ANKFN1: variants seen among roughly 807,000 people sequenced by gnomAD.
The protein encoded by ANKFN1 is ankyrin repeat and fibronectin type III domain containing 1.
ANKFN1 carries 74 observed loss-of-function variants against 108.7 expected under a neutral mutation model. The observed-to-expected ratio is 0.68, with a 90% CI of 0.56 to 0.83. ANKFN1 has a LOEUF of 0.83. Ranked by LOEUF, ANKFN1 falls within the 40% of genes least tolerant of loss-of-function variation. The pLI, the probability that ANKFN1 is intolerant of heterozygous loss-of-function variation, is 0.00. For synonymous variants in ANKFN1, 547 were observed against 516.2 expected (o/e 1.06, Z -0.81); for missense variants, 1,505 against 1,382.3 (o/e 1.09, Z -1.41).
At chr17:56,463,553 CCCACA>C (rs2049981203) in intron 14 of ANKFN1, among the ~76,000 whole-genome samples, 2 of 152,102 alleles carry the variant, frequency 1.3e-5, no homozygotes, top group Non-Finnish European at 2.9e-5. Context: ...TGACCAAAAG[CCCACA>C]TTGTTTTTCT....
chr17:56,362,315 G>A (rs78901356), intron 6 of ANKFN1, among the ~76,000 whole-genome samples: 159 of 152,188 alleles, frequency 1.0e-3, no homozygotes, highest in Non-Finnish European at 1.6e-3. Flanking sequence ...TTTAAAATTT[G>A]TATAATTTTT....
At chr17:56,153,941 A>G (rs1908840491) in intron 1 of ANKFN1, among the ~76,000 whole-genome samples, 1 of 152,198 alleles carries the variant, frequency 6.6e-6, no homozygotes. Flanking sequence ...TGTCTCCCAC[A>G]TGGATTCTCT....
At chr17:56,409,696 C>T (rs2048030745) in intron 8 of ANKFN1, among the ~76,000 whole-genome samples, 1 of 152,136 alleles carries the variant, frequency 6.6e-6, no homozygotes, top group Non-Finnish European at 1.5e-5. Flanking sequence ...CCAAATTATT[C>T]CCAGACAGCT....
At chr17:56,411,333 T>A (rs1373440372) in intron 8 of ANKFN1, among the ~76,000 whole-genome samples, 1 of 152,208 alleles carries the variant, frequency 6.6e-6, no homozygotes, top group East Asian at 1.9e-4. Flanking sequence ...TTTTTAAATT[T>A]GATTTTGTAA....
chr17:56,203,206 A>G (rs777655251), intron 1 of ANKFN1, among the ~76,000 whole-genome samples: 11 of 152,188 alleles, frequency 7.2e-5, no homozygotes, highest in Non-Finnish European at 1.6e-4. Flanking sequence ...TGAATATATC[A>G]TCATTCTGAA....
At chr17:56,348,961 AG>A (rs1262997726) in intron 4 of ANKFN1, among the ~76,000 whole-genome samples, 4 of 152,226 alleles carry the variant, frequency 2.6e-5, no homozygotes, top group Non-Finnish European at 5.9e-5. Flanking sequence ...ACAACAGCAA[AG>A]ACACAGAATC....
chr17:56,132,327 T>TGA (rs1208428068), intron 4 of ANKFN1, among the ~76,000 whole-genome samples: 1 of 152,126 alleles, frequency 6.6e-6, no homozygotes, highest in African/African-American at 2.4e-5. Flanking sequence ...CAGGTCTGTT[T>TGA]GAGACGTGTG....
intron 1 of ANKFN1, among the ~76,000 whole-genome samples, chr17:56,176,434 G>A (rs1911160746): frequency 6.6e-6 from 1 of 152,148 alleles, no homozygotes; most frequent in Admixed American, 6.5e-5. Context: ...TGGATTTGAT[G>A]GATATGCACT....
intron 3 of ANKFN1, among the ~76,000 whole-genome samples, chr17:56,276,502 CT>C (rs1486711217): frequency 6.6e-6 from 1 of 152,200 alleles, no homozygotes; most frequent in Non-Finnish European, 1.5e-5. Context: ...TCCACATCCT[CT>C]CCAGCATCTG....
At chr17:56,377,347 G>A (rs972869236) in intron 8 of ANKFN1, among the ~76,000 whole-genome samples, 52 of 152,120 alleles carry the variant, frequency 3.4e-4, no homozygotes, top group African/African-American at 1.2e-3. Flanking sequence ...TCTTCACACC[G>A]TGGGGGCACG....
chr17:56,440,168 T>C lies in ANKFN1; in HGVS notation c.911-159T>C, dbSNP rs1372033618. ...TGAACTTGGAAACTAAATTAACATC[T>C]CAAGGAATGTTGTCTGATACACCAA... On this transcript the variant is annotated intron_variant, in intron 8 of 20. Coordinates refer to ENST00000682825, the MANE Select transcript of ANKFN1 (RefSeq NM_001370326.1). Among the ~76,000 whole-genome samples, 3 of 152,190 alleles carry C rather than the reference T, an allele frequency of 2.0e-5. No individual in the cohort carries two copies. In the East Asian group the frequency reaches 5.8e-4, roughly 29 times the overall value.
intron 4 of ANKFN1, among the ~76,000 whole-genome samples, chr17:56,124,206 C>T (rs1162484058): frequency 6.6e-6 from 1 of 152,144 alleles, no homozygotes; most frequent in African/African-American, 2.4e-5. Flanking sequence ...GGTCTGTGAA[C>T]CACACTCTAA....
At chr17:56,196,760 C>A (rs575450685) in intron 1 of ANKFN1, among the ~76,000 whole-genome samples, 10 of 152,166 alleles carry the variant, frequency 6.6e-5, no homozygotes, top group Admixed American at 5.2e-4. Flanking sequence ...AACAAAAAAT[C>A]CTGAGAAGGA....
intron 6 of ANKFN1, among the ~76,000 whole-genome samples, chr17:56,355,430 C>G (rs1598450072): frequency 6.6e-6 from 1 of 151,702 alleles, no homozygotes; most frequent in East Asian, 1.9e-4. Context: ...ACTGGAGGAA[C>G]AAAAAAAGTC....
chr17:56,432,311 G>C (rs991228401), intron 8 of ANKFN1, among the ~76,000 whole-genome samples: 8 of 152,094 alleles, frequency 5.3e-5, no homozygotes, highest in Non-Finnish European at 7.3e-5. Flanking sequence ...AAGTAGAAGA[G>C]TTTGTCTGAG....
At chr17:56,053,297 C>G (rs1162294314) in intron 4 of ANKFN1, among the ~76,000 whole-genome samples, 2 of 152,108 alleles carry the variant, frequency 1.3e-5, no homozygotes, top group African/African-American at 4.8e-5. Flanking sequence ...CCCACCCCAC[C>G]TCACTACCCT....
intron 1 of ANKFN1, among the ~76,000 whole-genome samples, chr17:56,161,304 A>G (rs1414107980): frequency 1.3e-5 from 2 of 152,224 alleles, no homozygotes; most frequent in Non-Finnish European, 2.9e-5. Context: ...TTTGGCATTT[A>G]CTATAGAACT....
chr17:56,512,605 C>T lies in ANKFN1; in HGVS notation c.*1336C>T, dbSNP rs187650513. Among the ~76,000 whole-genome samples the T allele has an allele frequency of 3.3e-5, 5 of 152,288 alleles. No individual in the cohort carries two copies. Among genetic ancestry groups the T allele is most frequent in the African/African-American group, 1.2e-4 (5 of 41,552 alleles). ...TTTCCTCATCTCCTGGAGCCAAGAC[C>T]CATTCACTTCACTGACATTCTAAAT... On this transcript the variant is annotated 3_prime_UTR_variant, in exon 21 of 21. Transcript: ENST00000682825.
chr17:56,220,144 C>T (rs187300240), intron 2 of ANKFN1, among the ~76,000 whole-genome samples: 1 of 152,288 alleles, frequency 6.6e-6, no homozygotes, highest in East Asian at 1.9e-4. Flanking sequence ...ACAAGGCACT[C>T]CCAAATGAAA....
Sources: gnomAD v4.1 joint callset for allele counts (sites outside exome capture counted in the v4.1 genomes callset) on GRCh38, gnomAD v4.1.1 for gene constraint, MANE v1.5 for transcripts, NCBI Gene and HGNC (gene_info 2026-07-23, HGNC 2026-07-21) for gene names.